CSGALNACT1: variants seen among roughly 807,000 people sequenced by gnomAD.
CSGALNACT1 encodes chondroitin sulfate N-acetylgalactosaminyltransferase 1, also known as beta4GalNAcT-1.
CSGALNACT1 carries 52 observed loss-of-function variants against 51.0 expected under a neutral mutation model. That is an observed-to-expected ratio of 1.02 (90% CI 0.82 to 1.29). CSGALNACT1 has a LOEUF of 1.29. Among genes scored for constraint, CSGALNACT1 ranks in the 50% most tolerant of loss-of-function variants. CSGALNACT1 has a pLI of 0.00. For synonymous variants in CSGALNACT1, 341 were observed against 254.4 expected (o/e 1.34, Z -3.24); for missense variants, 935 against 679.2 (o/e 1.38, Z -4.19).
intron 3 of CSGALNACT1, among the ~76,000 whole-genome samples, chr8:19,520,653 T>C (rs2080471030): frequency 6.6e-6 from 1 of 152,228 alleles, no homozygotes; most frequent in South Asian, 2.1e-4. Flanking sequence ...AGTTTTACAG[T>C]TTAACACTGT....
intron 6 of CSGALNACT1, among the ~76,000 whole-genome samples, chr8:19,428,847 G>GTT (rs2059205621): frequency 2.0e-5 from 3 of 150,896 alleles, no homozygotes; most frequent in Non-Finnish European, 3.0e-5. Context: ...GTGTGTGTGT[G>GTT]TGTGTGTGTG....
At chr8:19,514,599 T>C (rs183525058) in intron 3 of CSGALNACT1, among the ~76,000 whole-genome samples, 231 of 146,742 alleles carry the variant, frequency 1.6e-3, no homozygotes, top group African/African-American at 5.3e-3. Context: ...GGTGGGCAGA[T>C]CCCTTGAGGT....
At chr8:19,530,437 ATGAG>A (rs1177720058) in intron 3 of CSGALNACT1, among the ~76,000 whole-genome samples, 7 of 152,212 alleles carry the variant, frequency 4.6e-5, no homozygotes, top group East Asian at 1.9e-4. Context: ...ATTAACATAG[ATGAG>A]TAACAGATTT....
At chr8:19,593,306 C>T (rs1462246875) in intron 2 of CSGALNACT1, among the ~76,000 whole-genome samples, 3 of 152,212 alleles carry the variant, frequency 2.0e-5, no homozygotes, top group Non-Finnish European at 4.4e-5. Flanking sequence ...GTGAAAAGAA[C>T]TGAAGATACC....
upstream of CSGALNACT1, among the ~76,000 whole-genome samples, chr8:19,603,131 A>G (rs954731454): frequency 1.4e-5 from 2 of 147,074 alleles, no homozygotes; most frequent in Admixed American, 6.8e-5. Flanking sequence ...AAAAAAAAAA[A>G]GTAGAAAGAA....
chr8:19,606,551 A>G (rs1298681609), upstream of CSGALNACT1, among the ~76,000 whole-genome samples: 2 of 152,202 alleles, frequency 1.3e-5, no homozygotes, highest in African/African-American at 4.8e-5. Flanking sequence ...AAAGGTCATG[A>G]GTTCTTCCCC....
At chr8:19,676,739 G>T (rs1180342840) in intron 1 of CSGALNACT1, among the ~76,000 whole-genome samples, 1 of 152,172 alleles carries the variant, frequency 6.6e-6, no homozygotes, top group Admixed American at 6.5e-5. Context: ...CACAAGCATT[G>T]TCCACTGTTT....
intron 1 of CSGALNACT1, among the ~76,000 whole-genome samples, chr8:19,704,053 T>C (rs113900755): frequency 7.2e-5 from 11 of 152,208 alleles, no homozygotes; most frequent in Non-Finnish European, 1.5e-4. Flanking sequence ...TGGGAGATCT[T>C]ACTTTTTAAA....
rs113265909 is a variant in CSGALNACT1, at chr8:19,568,750, G to A, written c.-297+22410C>T. On this transcript the variant is annotated intron_variant, in intron 3 of 9. Coordinates refer to ENST00000454498, the Ensembl canonical transcript of CSGALNACT1. ...AGATATATGGTGCCAATACAACCTC[G>A]CATTGCAGTAATTTGAAATTTCTGT... 3.7e-3 allele frequency among the ~76,000 whole-genome samples: 556 copies of A among 152,180 alleles called. 1 individual carries two copies. The highest frequency in any genetic ancestry group is 9.9e-3 in the African/African-American group (410 of 41,520).
At chr8:19,542,530 C>T (rs939199673) in intron 3 of CSGALNACT1, among the ~76,000 whole-genome samples, 4 of 152,096 alleles carry the variant, frequency 2.6e-5, no homozygotes, top group South Asian at 2.1e-4. Context: ...TCTTTTCAAC[C>T]TCCCAGGTTC....
intron 1 of CSGALNACT1, among the ~76,000 whole-genome samples, chr8:19,705,487 C>A (rs1044696931): frequency 9.2e-5 from 14 of 152,148 alleles, no homozygotes; most frequent in African/African-American, 3.4e-4. Context: ...AATCCTAACA[C>A]TTTGGGAGGC....
At chr8:19,743,097 C>T (rs1428397154) in intron 1 of CSGALNACT1, among the ~76,000 whole-genome samples, 2 of 152,212 alleles carry the variant, frequency 1.3e-5, no homozygotes, top group Admixed American at 6.5e-5. Flanking sequence ...GGGAGATACA[C>T]ACACGCTGAT....
At chr8:19,498,991 C>T (rs1345739453) in intron 4 of CSGALNACT1, among the ~76,000 whole-genome samples, 2 of 152,094 alleles carry the variant, frequency 1.3e-5, no homozygotes, top group Admixed American at 6.5e-5. Flanking sequence ...TGGTACACAC[C>T]TGTAGCCCAG....
At chr8:19,745,561 A>G (rs1056980921) in intron 1 of CSGALNACT1, among the ~76,000 whole-genome samples, 4 of 152,216 alleles carry the variant, frequency 2.6e-5, no homozygotes, top group African/African-American at 9.6e-5. Flanking sequence ...CACTAGCTGG[A>G]TGTGCACAGA....
At chr8:19,447,669 G>C (rs1217715376) in intron 5 of CSGALNACT1, among the ~76,000 whole-genome samples, 1 of 152,212 alleles carries the variant, frequency 6.6e-6, no homozygotes, top group Non-Finnish European at 1.5e-5. Context: ...AGAGCAGGGG[G>C]AGGTGGGTGT....
At chr8:19,467,414 C>T (rs1193470043) in intron 4 of CSGALNACT1, among the ~76,000 whole-genome samples, 1 of 152,138 alleles carries the variant, frequency 6.6e-6, no homozygotes, top group Non-Finnish European at 1.5e-5. Flanking sequence ...AGCCACCTCA[C>T]CTGGCCAGTA....
intron 3 of CSGALNACT1, among the ~76,000 whole-genome samples, chr8:19,528,639 C>G (rs1489523588): frequency 6.6e-6 from 1 of 152,102 alleles, no homozygotes; most frequent in African/African-American, 2.4e-5. Flanking sequence ...TTCCTTAAAC[C>G]CACCCCCAAA....
intron 1 of CSGALNACT1, among the ~76,000 whole-genome samples, chr8:19,630,525 G>A (rs1422278679): frequency 6.6e-6 from 1 of 151,964 alleles, no homozygotes; most frequent in Non-Finnish European, 1.5e-5. Context: ...ACTCTTTGTG[G>A]TATACAATTC....
intron 4 of CSGALNACT1, among the ~76,000 whole-genome samples, chr8:19,502,858 G>A (rs1015128536): frequency 1.6e-4 from 25 of 152,268 alleles, no homozygotes; most frequent in Middle Eastern, 3.4e-3. Flanking sequence ...ATGTAATTCA[G>A]TCCAATCACC....
Sources: allele counts gnomAD v4.1 joint callset (sites outside exome capture counted in the v4.1 genomes callset), GRCh38; gene constraint gnomAD v4.1.1; transcripts MANE v1.5; gene names NCBI Gene and HGNC (gene_info 2026-07-23, HGNC 2026-07-21).